Variants in FAM227B observed in about 807,000 individuals in gnomAD.
The protein encoded by FAM227B is family with sequence similarity 227 member B, also known as protein FAM227B.
Under a neutral mutation model 73.8 loss-of-function variants are expected in FAM227B, and 88 were observed. The ratio of observed to expected loss-of-function variants is 1.19; its 90% CI spans 1.00 to 1.42. The LOEUF (loss-of-function observed/expected upper bound fraction) is 1.42, where lower values mean the gene tolerates loss of function less well. Ranked by LOEUF, FAM227B falls within the 40% of genes most tolerant of loss-of-function variation. The probability of loss-of-function intolerance (pLI) is 0.00; values close to 1 mark genes in which losing one functional copy is unlikely to be tolerated. For missense variants in FAM227B, 632 were observed against 590.9 expected, an observed-to-expected ratio of 1.07 and a Z score of -0.72; for synonymous variants, 210 against 190.5, an observed-to-expected ratio of 1.10 and a Z score of -0.84.
intron 3 of FAM227B, among the ~76,000 whole-genome samples, chr15:49,602,138 T>C (rs896795990): frequency 2.0e-5 from 3 of 152,200 alleles, no homozygotes; most frequent in Admixed American, 2.0e-4. Context: ...ATACTGATTT[T>C]TTTTCTCTGG....
chr15:49,506,468 T>C (rs1433084700), intron 11 of FAM227B, among the ~76,000 whole-genome samples: 2 of 152,080 alleles, frequency 1.3e-5, no homozygotes, highest in African/African-American at 2.4e-5. Flanking sequence ...CTTGATCTAA[T>C]TGAGATTTTT....
chr15:49,459,361 A>G lies in FAM227B; in HGVS notation c.1012+48850T>C, dbSNP rs538204993. On this transcript the variant is annotated intron_variant, in intron 11 of 15. Coordinates refer to ENST00000299338, the MANE Select transcript of FAM227B (RefSeq NM_152647.3). ...CAAATTCAAAAACTCTCTTAGAATC[A>G]GAACACCTGTAATTAGTATGTTTAT... Among the ~76,000 whole-genome samples the G allele has an allele frequency of 5.9e-5, 9 of 152,350 alleles. 1 individual carries two copies. In the South Asian group the frequency reaches 1.4e-3, roughly 25 times the overall value.
chr15:49,610,003 A>C (rs1330187976), intron 3 of FAM227B, among the ~76,000 whole-genome samples: 18 of 151,966 alleles, frequency 1.2e-4, no homozygotes, highest in Non-Finnish European at 2.9e-5. Context: ...ACATACTATT[A>C]ATAAGACATG....
chr15:49,608,224 G>C (rs2077648645), intron 3 of FAM227B, among the ~76,000 whole-genome samples: 1 of 148,896 alleles, frequency 6.7e-6, no homozygotes, highest in Non-Finnish European at 1.5e-5. Flanking sequence ...TTAGTGATAA[G>C]TAAGAAGAAC....
intron 2 of FAM227B, among the ~76,000 whole-genome samples, chr15:49,612,711 TTTTA>T (rs1224861053): frequency 6.6e-6 from 1 of 152,172 alleles, no homozygotes; most frequent in African/African-American, 2.4e-5. Flanking sequence ...TGTACTACAT[TTTTA>T]TTTATTAAAA....
chr15:49,590,089 T>C, intron 3 of FAM227B, 82 bp from the exon 4 acceptor site: 6 of 737,014 alleles, frequency 8.1e-6, no homozygotes, highest in East Asian at 7.9e-5. Context: ...CAATGAGCTA[T>C]AATCGAGATT....
chr15:49,365,732 C>G, intron 13 of FAM227B: 3 of 883,668 alleles, frequency 3.4e-6, no homozygotes, highest in Non-Finnish European at 5.8e-6. Flanking sequence ...TCCAAGATAT[C>G]TTGTAAAATC....
At chr15:49,445,664 T>C (rs1013770061) in intron 11 of FAM227B, among the ~76,000 whole-genome samples, 1 of 151,532 alleles carries the variant, frequency 6.6e-6, no homozygotes, top group African/African-American at 2.4e-5. Context: ...ATTATGTCAA[T>C]TGAAAGAAAA....
chr15:49,504,642 C>T (rs1408358199), intron 11 of FAM227B, among the ~76,000 whole-genome samples: 1 of 152,048 alleles, frequency 6.6e-6, no homozygotes, highest in Non-Finnish European at 1.5e-5. Flanking sequence ...CTTCCACTTT[C>T]TCTCACTTGC....
At chr15:49,600,271 T>C (rs564095112) in intron 3 of FAM227B, among the ~76,000 whole-genome samples, 58 of 152,250 alleles carry the variant, frequency 3.8e-4, no homozygotes, top group African/African-American at 1.3e-3. Context: ...ATTTTAATCA[T>C]CTCTTCACCT....
chr15:49,494,063 G>A (rs2057369239), intron 11 of FAM227B, among the ~76,000 whole-genome samples: 1 of 151,916 alleles, frequency 6.6e-6, no homozygotes, highest in Non-Finnish European at 1.5e-5. Flanking sequence ...AGAACCATAA[G>A]TGATAGCTGA....
chr15:49,350,758 C>T (rs553947311), intron 13 of FAM227B, among the ~76,000 whole-genome samples: 1 of 152,216 alleles, frequency 6.6e-6, no homozygotes, highest in Admixed American at 6.5e-5. Flanking sequence ...CTCTTATTTG[C>T]TCCAAGGTGA....
intron 8 of FAM227B, among the ~76,000 whole-genome samples, chr15:49,573,064 A>G (rs2075221525): frequency 6.6e-6 from 1 of 151,172 alleles, no homozygotes; most frequent in African/African-American, 2.4e-5. Context: ...TTTCTAATGC[A>G]GGCATTTTAA....
At chr15:49,471,905 G>C (rs946109399) in intron 11 of FAM227B, among the ~76,000 whole-genome samples, 2 of 152,048 alleles carry the variant, frequency 1.3e-5, no homozygotes, top group Non-Finnish European at 2.9e-5. Flanking sequence ...GACAGCACCG[G>C]AAGAAACTTG....
chr15:49,468,678 G>A (rs1438976914), intron 11 of FAM227B, among the ~76,000 whole-genome samples: 2 of 152,154 alleles, frequency 1.3e-5, no homozygotes, highest in Non-Finnish European at 2.9e-5. Context: ...CCCCTTCAAA[G>A]TGAAAGTCAA....
chr15:49,582,066 C>T (rs2075847487), intron 5 of FAM227B, among the ~76,000 whole-genome samples: 1 of 152,184 alleles, frequency 6.6e-6, no homozygotes, highest in African/African-American at 2.4e-5. Flanking sequence ...AAAGCAACCA[C>T]ATAAACAAAT....
intron 1 of FAM227B, among the ~76,000 whole-genome samples, chr15:49,616,106 G>A (rs2078271967): frequency 6.6e-6 from 1 of 152,108 alleles, no homozygotes; most frequent in Non-Finnish European, 1.5e-5. Flanking sequence ...TTTAAATTAA[G>A]GATACTGTTA....
At chr15:49,430,803 C>T (rs1268286283) in intron 11 of FAM227B, among the ~76,000 whole-genome samples, 1 of 151,824 alleles carries the variant, frequency 6.6e-6, no homozygotes. Context: ...ATGGCCTAAT[C>T]ACCTCTCAAT....
intron 11 of FAM227B, among the ~76,000 whole-genome samples, chr15:49,501,908 G>T (rs745932421): frequency 1.3e-5 from 2 of 152,194 alleles, no homozygotes; most frequent in Non-Finnish European, 2.9e-5. Flanking sequence ...CATCCCAGCT[G>T]CTTCAGTTCT....
Sources: gnomAD v4.1 joint callset for allele counts (sites outside exome capture counted in the v4.1 genomes callset) on GRCh38, gnomAD v4.1.1 for gene constraint, MANE v1.5 for transcripts, NCBI Gene and HGNC (gene_info 2026-07-23, HGNC 2026-07-21) for gene names.